Variants in ADAMTSL3 observed in about 807,000 individuals in gnomAD.
ADAMTSL3 encodes ADAMTS like 3.
In ADAMTSL3, 128 loss-of-function variants were observed where a neutral mutation model predicts 201.7. The observed-to-expected ratio is 0.63, with a 90% CI of 0.55 to 0.73. The LOEUF (loss-of-function observed/expected upper bound fraction) is 0.73, where lower values mean the gene tolerates loss of function less well. ADAMTSL3 is among the 30% of genes least tolerant of loss of function. The pLI, the probability that ADAMTSL3 is intolerant of heterozygous loss-of-function variation, is 0.00. For missense variants in ADAMTSL3, 1,990 were observed against 2,119.6 expected, an observed-to-expected ratio of 0.94 and a Z score of 1.20; for synonymous variants, 738 against 748.4, an observed-to-expected ratio of 0.99 and a Z score of 0.23.
At position 83,801,651 on chromosome 15, in the gene ADAMTSL3, A is replaced by ATATATAT. The variant is rs2063518564; in HGVS notation, c.318-2999_318-2998insTATATAT. ...TTATATATATAAATATATAAATATA[A>ATATATAT]ATATATATATATATATATATATATA... On this transcript the variant is annotated intron_variant, in intron 4 of 29. Transcript: ENST00000286744. Among the ~76,000 whole-genome samples the ATATATAT allele has an allele frequency of 8.3e-4, 26 of 31,240 alleles. 1 individual carries two copies. The highest frequency in any genetic ancestry group is 1.3e-3 in the Non-Finnish European group (20 of 14,954). 20.5% of individuals were successfully genotyped at this position (31,240 alleles called of 152,430 possible). A position where few individuals can be genotyped will look rare whatever the true frequency, so the allele number is the denominator to read the frequency against.
At chr15:83,994,239 ACTAAG>A (rs2067635538) in intron 23 of ADAMTSL3, among the ~76,000 whole-genome samples, 1 of 152,252 alleles carries the variant, frequency 6.6e-6, no homozygotes, top group African/African-American at 2.4e-5. Context: ...CTAAACTAAA[ACTAAG>A]CTAAAGAATA....
At chr15:83,858,135 A>G (rs188170896) in intron 7 of ADAMTSL3, among the ~76,000 whole-genome samples, 25 of 152,332 alleles carry the variant, frequency 1.6e-4, no homozygotes, top group Admixed American at 9.1e-4. Flanking sequence ...CTACAACTCA[A>G]TTCTACCTTG....
chr15:83,920,208 C>T (rs978404592), intron 16 of ADAMTSL3, among the ~76,000 whole-genome samples: 2 of 152,194 alleles, frequency 1.3e-5, no homozygotes, highest in East Asian at 1.9e-4. Flanking sequence ...TTTGAGCATA[C>T]TCCCAATAGA....
At chr15:83,668,507 T>A (rs2061281080) in intron 2 of ADAMTSL3, among the ~76,000 whole-genome samples, 1 of 151,656 alleles carries the variant, frequency 6.6e-6, no homozygotes, top group Non-Finnish European at 1.5e-5. Context: ...TCTGTGTGTA[T>A]GTGTGTTTGT....
intron 20 of ADAMTSL3, among the ~76,000 whole-genome samples, chr15:83,971,425 C>G (rs2067191548): frequency 6.6e-6 from 1 of 151,788 alleles, no homozygotes; most frequent in Non-Finnish European, 1.5e-5. Flanking sequence ...GGCTTGGTGG[C>G]ACACTCCTGT....
chr15:83,687,807 G>C (rs967242187), intron 2 of ADAMTSL3, among the ~76,000 whole-genome samples: 1 of 152,140 alleles, frequency 6.6e-6, no homozygotes, highest in Non-Finnish European at 1.5e-5. Context: ...TATTGAAACA[G>C]TACTGATGGC....
intron 25 of ADAMTSL3, among the ~76,000 whole-genome samples, chr15:84,017,626 G>C: frequency 6.6e-6 from 1 of 152,226 alleles, no homozygotes; most frequent in Non-Finnish European, 1.5e-5. Context: ...GGGGAAAACA[G>C]TGTTGAGCTG....
At chr15:83,839,179 A>AGAG (rs2064329318) in intron 7 of ADAMTSL3, among the ~76,000 whole-genome samples, 1 of 152,172 alleles carries the variant, frequency 6.6e-6, no homozygotes, top group South Asian at 2.1e-4. Context: ...TCCGCCAAAG[A>AGAG]TTTGATTTTA....
intron 6 of ADAMTSL3, among the ~76,000 whole-genome samples, chr15:83,822,197 A>G (rs1284199203): frequency 1.4e-5 from 2 of 143,282 alleles, no homozygotes; most frequent in Non-Finnish European, 3.0e-5. Context: ...TCCCTCCCGG[A>G]CGGGGTGGCT....
chr15:83,803,527 A>G (rs1020737001), intron 4 of ADAMTSL3, among the ~76,000 whole-genome samples: 2 of 152,196 alleles, frequency 1.3e-5, no homozygotes, highest in African/African-American at 4.8e-5. Context: ...TCACCAGGAA[A>G]ACATAAAGGG....
At chr15:83,747,040 C>T (rs551956910) in intron 3 of ADAMTSL3, among the ~76,000 whole-genome samples, 1 of 152,128 alleles carries the variant, frequency 6.6e-6, no homozygotes, top group African/African-American at 2.4e-5. Flanking sequence ...ATATACTTTA[C>T]CTCTGTGTGG....
intron 15 of ADAMTSL3, among the ~76,000 whole-genome samples, chr15:83,901,510 A>C (rs10152139): frequency 6.6e-6 from 1 of 152,060 alleles, no homozygotes; most frequent in Admixed American, 6.5e-5. Flanking sequence ...AGGGTAGAGA[A>C]TAAAACATTG....
chr15:83,853,771 A>G (rs2064668035), intron 7 of ADAMTSL3, among the ~76,000 whole-genome samples: 1 of 152,168 alleles, frequency 6.6e-6, no homozygotes, highest in Non-Finnish European at 1.5e-5. Flanking sequence ...TTATCTCCAA[A>G]ATTGTACTGT....
rs753571494 is a variant in ADAMTSL3, at chr15:83,820,059, T to TA, written c.600+13dup. 3.7e-6 allele frequency: 6 copies of TA among 1,603,692 alleles called. No homozygotes were observed. The highest frequency in any genetic ancestry group is 1.7e-5 in the Admixed American group (1 of 60,004). Reference sequence around the variant, plus strand: ...GTGGCATCTGTCAGGTAAGCACACTTACCTCCCAATCCCCTGCTTTGGGGA... The same window carrying TA: ...GTGGCATCTGTCAGGTAAGCACACTTAACCTCCCAATCCCCTGCTTTGGGGA... On this transcript the variant is annotated intron_variant, in intron 6 of 29. Transcript: ENST00000286744.
intron 25 of ADAMTSL3, among the ~76,000 whole-genome samples, chr15:84,018,194 C>T (rs1488082959): frequency 6.6e-6 from 1 of 152,218 alleles, no homozygotes; most frequent in Non-Finnish European, 1.5e-5. Flanking sequence ...TTGCATTGTT[C>T]TGCCACCTCC....
intron 15 of ADAMTSL3, among the ~76,000 whole-genome samples, chr15:83,900,879 C>G (rs1481036775): frequency 6.6e-6 from 1 of 152,178 alleles, no homozygotes; most frequent in Non-Finnish European, 1.5e-5. Context: ...CTTTGTCTTT[C>G]CCAAGTTCAT....
intron 6 of ADAMTSL3, among the ~76,000 whole-genome samples, chr15:83,822,021 C>T (rs1224525411): frequency 1.3e-5 from 2 of 148,300 alleles, no homozygotes; most frequent in Non-Finnish European, 3.0e-5. Context: ...ACCTCCCTCC[C>T]GGACGGGGTG....
At chr15:83,904,728 C>T (rs907308909) in intron 15 of ADAMTSL3, among the ~76,000 whole-genome samples, 1 of 152,198 alleles carries the variant, frequency 6.6e-6, no homozygotes, top group Non-Finnish European at 1.5e-5. Flanking sequence ...GGAGCCTCTT[C>T]GTTTGTTTCT....
chr15:83,742,251 A>G (rs2062468859), intron 3 of ADAMTSL3, among the ~76,000 whole-genome samples: 1 of 152,180 alleles, frequency 6.6e-6, no homozygotes, highest in Non-Finnish European at 1.5e-5. Flanking sequence ...AATCAAAGGA[A>G]AAATAAAATG....
Sources: allele counts gnomAD v4.1 joint callset (sites outside exome capture counted in the v4.1 genomes callset), GRCh38; gene constraint gnomAD v4.1.1; transcripts MANE v1.5; gene names NCBI Gene and HGNC (gene_info 2026-07-23, HGNC 2026-07-21).